Variants in TRPS1 observed in about 807,000 individuals in gnomAD.
TRPS1 encodes zinc finger transcription factor Trps1.
TRPS1 carries 6 observed loss-of-function variants against 101.2 expected under a neutral mutation model. That is an observed-to-expected ratio of 0.06 (90% CI 0.03 to 0.12). The LOEUF (loss-of-function observed/expected upper bound fraction) is 0.12, where lower values mean the gene tolerates loss of function less well. Among genes scored for constraint, TRPS1 ranks in the 10% least tolerant of loss-of-function variants. TRPS1 has a pLI of 1.00. For missense variants in TRPS1, 1,363 were observed against 1,567.0 expected (o/e 0.87, Z 2.20); for synonymous variants, 578 against 589.8 (o/e 0.98, Z 0.29).
rs755990611 is a variant in TRPS1, at chr8:115,409,261, GAAAAAAAA to G, written c.*4754_*4761del. The G allele has an allele frequency of 2.9e-5, 3 of 102,262 alleles. No homozygotes were observed. The highest frequency in any genetic ancestry group is 5.5e-5 in the Non-Finnish European group (3 of 54,690). The allele number at this position is 102,262 out of a possible 1,614,324, so 6.3% of individuals were successfully genotyped here. A position where few individuals can be genotyped will look rare whatever the true frequency, so the allele number is the denominator to read the frequency against. On this transcript the variant is annotated 3_prime_UTR_variant, in exon 7 of 7. Coordinates refer to ENST00000395715, the MANE Select transcript of TRPS1 (RefSeq NM_014112.5). ...TGATATGCTGCAGTTTATATGTTGG[GAAAAAAAA>G]AAAAAAAAAAAACAGGGGAAAACCA...
intron 1 of TRPS1, among the ~76,000 whole-genome samples, chr8:115,653,559 T>A (rs562414027): frequency 3.5e-4 from 54 of 152,230 alleles, no homozygotes; most frequent in African/African-American, 1.2e-3. Flanking sequence ...ACGGAATGAG[T>A]AAGATTATTT....
chr8:115,571,883 G>A lies in TRPS1; in HGVS notation c.2700+15118C>T, dbSNP rs180868989. 4.7e-3 allele frequency among the ~76,000 whole-genome samples: 719 copies of A among 151,810 alleles called. 2 individuals carry two copies. Among genetic ancestry groups the A allele is most frequent in the Admixed American group, 8.1e-3 (124 of 15,232 alleles). On this transcript the variant is annotated intron_variant, in intron 5 of 6. Transcript: ENST00000395715. ...TGTATATTTTTTTCTTTGATAATATGTATATACGACCCTAAGTAGTAGGGC... is the reference window on the plus strand; with the variant it reads ...TGTATATTTTTTTCTTTGATAATATATATATACGACCCTAAGTAGTAGGGC...
At chr8:115,475,784 AGT>A (rs1814590392) in intron 5 of TRPS1, among the ~76,000 whole-genome samples, 1 of 152,088 alleles carries the variant, frequency 6.6e-6, no homozygotes, top group Non-Finnish European at 1.5e-5. Context: ...ACAAAACAAA[AGT>A]AGTCTCCCAT....
intron 3 of TRPS1, among the ~76,000 whole-genome samples, chr8:115,610,247 T>C (rs1818132042): frequency 6.6e-6 from 1 of 151,820 alleles, no homozygotes; most frequent in Non-Finnish European, 1.5e-5. Flanking sequence ...AAAGCTAAGT[T>C]GTTAAAAAAA....
chr8:115,509,350 G>A (rs1169540834), intron 5 of TRPS1, among the ~76,000 whole-genome samples: 1 of 151,954 alleles, frequency 6.6e-6, no homozygotes, highest in Non-Finnish European at 1.5e-5. Flanking sequence ...ATTAAGTGTT[G>A]AGGCTATGGA....
intron 5 of TRPS1, among the ~76,000 whole-genome samples, chr8:115,547,933 T>G (rs183325211): frequency 6.6e-6 from 1 of 152,090 alleles, no homozygotes; most frequent in Non-Finnish European, 1.5e-5. Flanking sequence ...CTTCTACGCA[T>G]AATAATCCTA....
chr8:115,564,727 T>C (rs1334642811), intron 5 of TRPS1, among the ~76,000 whole-genome samples: 1 of 152,098 alleles, frequency 6.6e-6, no homozygotes, highest in Non-Finnish European at 1.5e-5. Flanking sequence ...AAGATTTCTG[T>C]CCACTCCTGT....
At chr8:115,513,002 C>T (rs1286444916) in intron 5 of TRPS1, among the ~76,000 whole-genome samples, 2 of 151,688 alleles carry the variant, frequency 1.3e-5, no homozygotes, top group Middle Eastern at 3.4e-3. Flanking sequence ...TCTAACCACA[C>T]AAAATGTAAA....
At chr8:115,518,469 GT>G (rs975759982) in intron 5 of TRPS1, among the ~76,000 whole-genome samples, 9 of 151,752 alleles carry the variant, frequency 5.9e-5, no homozygotes, top group African/African-American at 2.2e-4. Flanking sequence ...ATTTTCCTGG[GT>G]TTTCATGATA....
intron 3 of TRPS1, 50 bp from the exon 4 acceptor site, chr8:115,605,052 T>C (rs767387156): frequency 3.2e-6 from 5 of 1,575,978 alleles, no homozygotes; most frequent in Non-Finnish European, 4.3e-6. Flanking sequence ...ATTAATTCAA[T>C]GGGCCCTCTG....
intron 1 of TRPS1, among the ~76,000 whole-genome samples, chr8:115,657,704 T>C (rs531064181): frequency 6.6e-6 from 1 of 152,250 alleles, no homozygotes; most frequent in African/African-American, 2.4e-5. Context: ...ATAACTAAAA[T>C]TGACTTTTTT....
At chr8:115,560,611 A>ACAATG in intron 5 of TRPS1, among the ~76,000 whole-genome samples, 1 of 152,118 alleles carries the variant, frequency 6.6e-6, no homozygotes, top group South Asian at 2.1e-4. Flanking sequence ...ACATTGGTGT[A>ACAATG]AACTGCCCCT....
intron 5 of TRPS1, among the ~76,000 whole-genome samples, chr8:115,549,238 C>A (rs1187295981): frequency 6.6e-6 from 1 of 152,124 alleles, no homozygotes; most frequent in Non-Finnish European, 1.5e-5. Context: ...CTATCAGGAA[C>A]CTTTAAGAAA....
intron 5 of TRPS1, among the ~76,000 whole-genome samples, chr8:115,542,135 T>G (rs1211038018): frequency 6.6e-6 from 1 of 152,206 alleles, no homozygotes; most frequent in Admixed American, 6.5e-5. Context: ...CTACTGCAAT[T>G]TACTATTTGC....
At chr8:115,620,113 A>G (rs1818361255) in intron 2 of TRPS1, 53 bp from the exon 3 acceptor site, 1 of 1,558,512 alleles carries the variant, frequency 6.4e-7, no homozygotes. Flanking sequence ...AGTTACAGAG[A>G]TACAGTTGAA....
intron 1 of TRPS1, among the ~76,000 whole-genome samples, chr8:115,649,230 A>G (rs1233178211): frequency 6.6e-6 from 1 of 152,206 alleles, no homozygotes; most frequent in African/African-American, 2.4e-5. Flanking sequence ...ATTAGGGCCT[A>G]AGGAGAAAGC....
Position 115,422,191 on chromosome 8 carries a change from C to A in TRPS1, c.2701-3739G>T, listed in dbSNP as rs111285362. ...TTGAAAATAATCCTGCCTGCTATTT[C>A]TATCGTTATTTTTAGAAAAAAAAAA... On this transcript the variant is annotated intron_variant, in intron 5 of 6. Transcript: ENST00000395715. Among the ~76,000 whole-genome samples the A allele has an allele frequency of 5.7e-3, 859 of 151,344 alleles. 1 individual carries two copies. Among genetic ancestry groups the A allele is most frequent in the Admixed American group, 9.9e-3 (150 of 15,196 alleles).
At chr8:115,635,924 G>C (rs1463671124) in intron 1 of TRPS1, among the ~76,000 whole-genome samples, 1 of 152,106 alleles carries the variant, frequency 6.6e-6, no homozygotes, top group East Asian at 1.9e-4. Flanking sequence ...ATTGACAAAA[G>C]TTCACATCAA....
At chr8:115,464,136 A>G (rs1225704049) in intron 5 of TRPS1, among the ~76,000 whole-genome samples, 1 of 152,132 alleles carries the variant, frequency 6.6e-6, no homozygotes, top group African/African-American at 2.4e-5. Context: ...TTTCAAAGTC[A>G]GCTAATTAAT....
Sources: gnomAD v4.1 joint callset for allele counts (sites outside exome capture counted in the v4.1 genomes callset) on GRCh38, gnomAD v4.1.1 for gene constraint, MANE v1.5 for transcripts, NCBI Gene and HGNC (gene_info 2026-07-23, HGNC 2026-07-21) for gene names.